The following LIPG variants were observed in gnomAD, a reference collection of about 807,000 sequenced individuals.
LIPG encodes the protein lipase G, endothelial type.
Under a neutral mutation model 51.8 loss-of-function variants are expected in LIPG, and 34 were observed. The observed-to-expected ratio is 0.66, with a 90% CI of 0.50 to 0.87. The LOEUF (loss-of-function observed/expected upper bound fraction) is 0.87. Ranked by LOEUF, LIPG falls within the 40% of genes least tolerant of loss-of-function variation. The pLI, the probability that LIPG is intolerant of heterozygous loss-of-function variation, is 0.00. For synonymous variants in LIPG, 246 were observed against 246.1 expected (o/e 1.00, Z 0.00); for missense variants, 580 against 652.7 (o/e 0.89, Z 1.21).
At position 49,594,386 on chromosome 18, in the gene LIPG, C is replaced by G. The variant is rs1600575822; in HGVS notation, c.*3864C>G. ...CTGACCTCAAGTGATCCACCTACCTCAGCCTTCCAAACTGTCGGGATTACC... is the reference window on the plus strand; with the variant it reads ...CTGACCTCAAGTGATCCACCTACCTGAGCCTTCCAAACTGTCGGGATTACC... On this transcript the variant is annotated 3_prime_UTR_variant, in exon 10 of 10. Coordinates refer to ENST00000261292, the MANE Select transcript of LIPG (RefSeq NM_006033.4). The G allele has an allele frequency of 6.6e-6, 1 of 152,238 alleles. No individual in the cohort carries two copies. The highest frequency in any genetic ancestry group is 1.5e-5 in the Non-Finnish European group (1 of 68,058). 9.4% of individuals were successfully genotyped at this position (152,238 alleles called of 1,614,324 possible). A position where few individuals can be genotyped will look rare whatever the true frequency, so the allele number is the denominator to read the frequency against.
rs2084995038 is a variant in LIPG at position 49,598,774 on chromosome 18, C to T, written c.*8252C>T. 6.6e-6 allele frequency: 1 copy of T among 152,246 alleles called. No homozygotes were observed. The highest frequency in any genetic ancestry group is 2.4e-5 in the African/African-American group (1 of 41,456). The allele number at this position is 152,246 out of a possible 1,614,324, so 9.4% of individuals were successfully genotyped here. On this transcript the variant is annotated 3_prime_UTR_variant, in exon 10 of 10. Coordinates refer to ENST00000261292, the MANE Select transcript of LIPG (RefSeq NM_006033.4). ...CCTTTGTAATTCTTCCCACTGCCCT[C>T]TCCCCAGGTTGTCCCTGATCTGCTT...
At chr18:49,587,386 C>G (rs976611093) in intron 9 of LIPG, among the ~76,000 whole-genome samples, 1 of 151,474 alleles carries the variant, frequency 6.6e-6, no homozygotes, top group Non-Finnish European at 1.5e-5. Context: ...CTGGCTAACA[C>G]AGTGAAACCT....
At chr18:49,562,961 T>C (rs2084567373) in intron 1 of LIPG, among the ~76,000 whole-genome samples, 1 of 152,182 alleles carries the variant, frequency 6.6e-6, no homozygotes, top group South Asian at 2.1e-4. Flanking sequence ...TTCAACACTC[T>C]TGTGCTCCCC....
intron 5 of LIPG, among the ~76,000 whole-genome samples, chr18:49,580,870 T>A (rs979591576): frequency 1.4e-4 from 21 of 152,188 alleles, no homozygotes; most frequent in African/African-American, 4.3e-4. Context: ...ATTCGTGCTG[T>A]CTTCCCATCA....
chr18:49,570,207 G>C (rs1350166901), intron 4 of LIPG, among the ~76,000 whole-genome samples: 1 of 152,116 alleles, frequency 6.6e-6, no homozygotes, highest in East Asian at 1.9e-4. Context: ...TCTGATATTG[G>C]TCCCCAGGGG....
At chr18:49,584,187 A>T (rs761726008) in intron 8 of LIPG, among the ~76,000 whole-genome samples, 1 of 152,120 alleles carries the variant, frequency 6.6e-6, no homozygotes, top group African/African-American at 2.4e-5. Flanking sequence ...ACTTCCAGAG[A>T]GCCCCCATGG....
Position 49,586,838 on chromosome 18 carries a change from A to AAAACG in LIPG, c.1474_1478dup (p.Ser494LysfsTer72). ...AAGTGTCGGGATGGCTGGAGGATGA[A>AAAACG]AAACGAAACCAGGTAACCAGGACTT... On this transcript the variant is annotated frameshift_variant, in exon 9 of 10. Coordinates refer to ENST00000261292, the MANE Select transcript of LIPG (RefSeq NM_006033.4). LOFTEE classifies it high-confidence loss of function. 6.2e-7 allele frequency: 1 copy of AAAACG among 1,613,796 alleles called. No individual in the cohort carries two copies. Among genetic ancestry groups the AAAACG allele is most frequent in the Non-Finnish European group, 8.5e-7 (1 of 1,179,682 alleles).
chr18:49,582,277 CTG>C (rs1273420138), intron 6 of LIPG, 83 bp from the exon 7 acceptor site: 2 of 1,557,302 alleles, frequency 1.3e-6, no homozygotes, highest in Admixed American at 3.3e-5. Context: ...CCTAAAATCT[CTG>C]TGCTGGTGAC....
At chr18:49,580,672 G>A (rs947740855) in intron 5 of LIPG, among the ~76,000 whole-genome samples, 6 of 151,936 alleles carry the variant, frequency 3.9e-5, no homozygotes, top group African/African-American at 1.5e-4. Flanking sequence ...AAAAAAAGAG[G>A]TAGCAAACCT....
chr18:49,592,706 C>T lies in LIPG; in HGVS notation c.*2184C>T, dbSNP rs2084957705. On this transcript the variant is annotated 3_prime_UTR_variant, in exon 10 of 10. Transcript: ENST00000261292. Reference sequence around the variant, plus strand: ...ATGGAAGCTTTGCAAATTGAATTCTCAGTGAGTTGTATATTTATACACCTG... The same window carrying T: ...ATGGAAGCTTTGCAAATTGAATTCTTAGTGAGTTGTATATTTATACACCTG... 1 of 152,076 alleles carries T rather than the reference C, an allele frequency of 6.6e-6. No individual in the cohort carries two copies. Among genetic ancestry groups the T allele is most frequent in the African/African-American group, 2.4e-5 (1 of 41,366 alleles). 9.4% of individuals were successfully genotyped at this position (152,076 alleles called of 1,614,324 possible).
At chr18:49,586,700 T>G in intron 8 of LIPG, 46 bp from the exon 9 acceptor site, 1 of 1,354,238 alleles carries the variant, frequency 7.4e-7, no homozygotes, top group South Asian at 1.2e-5. Flanking sequence ...ACAGCTGGAT[T>G]CCCCCTAAAG....
At chr18:49,564,996 C>G (rs114321182) in intron 1 of LIPG, among the ~76,000 whole-genome samples, 2 of 152,022 alleles carry the variant, frequency 1.3e-5, no homozygotes, top group African/African-American at 2.4e-5. Flanking sequence ...GAACTGAGAA[C>G]CTGTACTCTA....
At chr18:49,590,317 G>T (rs531200976) in intron 9 of LIPG, 184 bp from the exon 10 acceptor site, 2 of 705,404 alleles carry the variant, frequency 2.8e-6, no homozygotes, top group South Asian at 1.5e-5. Context: ...GGCTTGTCAG[G>T]TTAGGGAGAG....
In LIPG at chr18:49,563,458, T is replaced by C. The variant is rs1025214373; in HGVS notation, c.97+1053T>C. Among the ~76,000 whole-genome samples the C allele has an allele frequency of 5.3e-5, 8 of 152,214 alleles. No homozygotes were observed. In the South Asian group the frequency reaches 1.5e-3, roughly 28 times the overall value. The stretch of plus-strand genomic sequence containing the variant: ...GTATTTACTGCATACCTACTTAGTG[T>C]CAGACACTATTCTGGGAGCAGGGGA... On this transcript the variant is annotated intron_variant, in intron 1 of 9. Transcript: ENST00000261292.
intron 9 of LIPG, chr18:49,590,173 TTGTGTGTG>T (rs57137391): frequency 0.012 from 4,619 of 371,794 alleles, 117 homozygotes; most frequent in African/African-American, 0.077. Context: ...GTGTCCATGA[TTGTGTGTG>T]TGTGTGTGTG....
rs77960347 is a variant in LIPG at position 49,583,585 on chromosome 18, A to C, written c.1187A>C (p.Asn396Thr). 1.9e-6 allele frequency: 3 copies of C among 1,614,082 alleles called. No individual in the cohort carries two copies. Among genetic ancestry groups the C allele is most frequent in the Middle Eastern group, 3.3e-4 (2 of 6,062 alleles). The change falls in exon 8 of 10, where the codon AAC becomes ACC. Residue 396 changes from asparagine to threonine, a missense_variant. By Grantham distance (65) the Asn-to-Thr change is moderately conservative. Coordinates refer to ENST00000261292, the MANE Select transcript of LIPG (RefSeq NM_006033.4). ...GAGCGGATCGAGCAGAATGCCACCA[A>C]CACCTTCCTGGTCTACACCGAGGAG... The part of the protein sequence containing the change: ...IVERIEQNAT[N>T]TFLVYTEEDL...
At position 49,568,413 on chromosome 18, in the gene LIPG, C is replaced by T. The variant is rs549375493; in HGVS notation, c.459+792C>T. Among the ~76,000 whole-genome samples, 6 of 150,364 alleles carry T rather than the reference C, an allele frequency of 4.0e-5. No individual in the cohort carries two copies. The East Asian group carries it at 1.2e-3, about 30-fold the overall frequency. On this transcript the variant is annotated intron_variant, in intron 3 of 9. Coordinates refer to ENST00000261292, the MANE Select transcript of LIPG (RefSeq NM_006033.4). Reference sequence around the variant, plus strand: ...TACTTTTTTTTTTGAGACAGAGTCTCGCTGTCACCCAGGCTGGAGTGCAGT... The same window carrying T: ...TACTTTTTTTTTTGAGACAGAGTCTTGCTGTCACCCAGGCTGGAGTGCAGT...
At chr18:49,571,836 A>G (rs1030332964) in intron 4 of LIPG, among the ~76,000 whole-genome samples, 1 of 152,092 alleles carries the variant, frequency 6.6e-6, no homozygotes, top group Non-Finnish European at 1.5e-5. Context: ...GAGGGTGTGG[A>G]TGGGGGTTTG....
At position 49,591,042 on chromosome 18, in the gene LIPG, C is replaced by T. The variant is rs2084938550; in HGVS notation, c.*520C>T. 1 of 208,968 alleles carries T rather than the reference C, an allele frequency of 4.8e-6. No homozygotes were observed. The highest frequency in any genetic ancestry group is 2.3e-5 in the African/African-American group (1 of 43,944). The allele number at this position is 208,968 out of a possible 1,614,324, so 12.9% of individuals were successfully genotyped here. A position where few individuals can be genotyped will look rare whatever the true frequency, so the allele number is the denominator to read the frequency against. On this transcript the variant is annotated 3_prime_UTR_variant, in exon 10 of 10. Coordinates refer to ENST00000261292, the MANE Select transcript of LIPG (RefSeq NM_006033.4). ...CTCATGGGTTGCACTGACCATACTG[C>T]TTACGTCTTAGCCATTCCGTCCTGC...
Sources: allele counts gnomAD v4.1 joint callset (sites outside exome capture counted in the v4.1 genomes callset), GRCh38; gene constraint gnomAD v4.1.1; transcripts MANE v1.5; gene names NCBI Gene and HGNC (gene_info 2026-07-23, HGNC 2026-07-21).